WASHC2A: variants seen among roughly 807,000 people sequenced by gnomAD.
WASHC2A encodes WASH complex subunit FAM21A.
A neutral mutation model predicts 140.3 loss-of-function variants in WASHC2A; 82 were observed. That is an observed-to-expected ratio of 0.58 (90% CI 0.49 to 0.70). WASHC2A has a LOEUF of 0.70. Among genes scored for constraint, WASHC2A ranks in the 30% least tolerant of loss-of-function variants. WASHC2A has a pLI of 0.00. For synonymous variants in WASHC2A, 340 were observed against 560.8 expected, an observed-to-expected ratio of 0.61 and a Z score of 5.56; for missense variants, 985 against 1,521.8, an observed-to-expected ratio of 0.65 and a Z score of 5.87.
chr10:50,068,515 C>T (rs1259175205), intron 2 of WASHC2A, among the ~76,000 whole-genome samples: 3 of 151,448 alleles, frequency 2.0e-5, no homozygotes, highest in Non-Finnish European at 4.4e-5. Flanking sequence ...ATTGCTCGGG[C>T]ACTAGGGAGG....
rs1313589373 is a variant in WASHC2A at position 50,127,909 on chromosome 10, G to A, written c.3087+114G>A. ...AGTCTTTGACTCTCCTTTTGAAGGA[G>A]GTGCCTCATCCTTCCTTCAGCCACT... On this transcript the variant is annotated intron_variant, in intron 28 of 30. Transcript: ENST00000282633. 219 of 1,517,748 alleles carry A rather than the reference G, an allele frequency of 1.4e-4. 2 individuals are homozygous for A. In the Middle Eastern group the frequency reaches 3.5e-3, roughly 24 times the overall value. 94.0% of individuals were successfully genotyped at this position (1,517,748 alleles called of 1,614,324 possible).
intron 23 of WASHC2A, 52 bp downstream of exon 23, chr10:50,119,821 C>T (rs1443490371): frequency 1.9e-6 from 3 of 1,602,712 alleles, no homozygotes; most frequent in East Asian, 2.2e-5. Context: ...AAAAGACTCT[C>T]ATCTCATGGT....
At chr10:50,109,256 C>T (rs1465333730) in intron 19 of WASHC2A, among the ~76,000 whole-genome samples, 1 of 152,200 alleles carries the variant, frequency 6.6e-6, no homozygotes, top group African/African-American at 2.4e-5. Flanking sequence ...GGGGTGTGAG[C>T]ATAGTCGAGT....
chr10:50,106,315 C>T lies in WASHC2A; in HGVS notation c.1738-19C>T. On this transcript the variant is annotated intron_variant, in intron 18 of 30. Coordinates refer to ENST00000282633, the MANE Select transcript of WASHC2A (RefSeq NM_001005751.3). ...CTGATTATAAAGTTGTCTTACCTTT[C>T]TGCCATTTGCTTTTCTAGGATAATC... is the stretch of plus-strand genomic sequence containing the variant. The T allele has an allele frequency of 1.2e-6, 2 of 1,611,258 alleles. No homozygotes were observed. Among genetic ancestry groups the T allele is most frequent in the Non-Finnish European group, 8.5e-7 (1 of 1,179,652 alleles).
At chr10:50,083,984 T>C in intron 5 of WASHC2A, 88 bp from the exon 6 acceptor site, 1 of 1,208,168 alleles carries the variant, frequency 8.3e-7, no homozygotes. Flanking sequence ...TTGTTTGGGA[T>C]AGTCAGATGG....
At chr10:50,104,422 A>C (rs1345513523) in intron 18 of WASHC2A, among the ~76,000 whole-genome samples, 3 of 145,850 alleles carry the variant, frequency 2.1e-5, no homozygotes, top group South Asian at 2.1e-4. Context: ...GCTGGAGTGC[A>C]GTGATGCGAT....
intron 8 of WASHC2A, among the ~76,000 whole-genome samples, chr10:50,090,403 C>G (rs1277511132): frequency 6.8e-6 from 1 of 146,252 alleles, no homozygotes; most frequent in Non-Finnish European, 1.5e-5. Flanking sequence ...CTCGGAAGGC[C>G]GAGGCAGGAG....
intron 19 of WASHC2A, among the ~76,000 whole-genome samples, 176 bp from the exon 20 acceptor site, chr10:50,109,925 A>G (rs1191739211): frequency 2.6e-5 from 4 of 151,228 alleles, no homozygotes; most frequent in Non-Finnish European, 5.9e-5. Flanking sequence ...TCCCGCCACC[A>G]CGCCCGGCTA....
intron 19 of WASHC2A, among the ~76,000 whole-genome samples, chr10:50,109,599 T>C (rs1842092711): frequency 1.3e-5 from 2 of 152,142 alleles, no homozygotes; most frequent in Admixed American, 6.5e-5. Context: ...TGAGAAGCTC[T>C]GTGAGGTCAG....
intron 8 of WASHC2A, among the ~76,000 whole-genome samples, chr10:50,089,588 T>G (rs1839694167): frequency 6.6e-6 from 1 of 152,190 alleles, no homozygotes; most frequent in African/African-American, 2.4e-5. Flanking sequence ...CCAAGTCTGT[T>G]TCTTTGCTTT....
At position 50,117,971 on chromosome 10, in the gene WASHC2A, A is replaced by G. The variant is rs782320764; in HGVS notation, c.2208A>G (p.Gln736=). 4.6e-5 allele frequency: 73 copies of G among 1,584,924 alleles called. No homozygotes were observed. The East Asian group carries it at 1.6e-3, about 36-fold the overall frequency. The change falls in exon 22 of 31, where the codon CAA becomes CAG. Residue 736 remains glutamine (Q), a synonymous_variant. Transcript: ENST00000282633. The part of the protein sequence containing the change: ...LFSDEEEKEA[Q]LGVKSVDKKV... ...GCGATGAAGAAGAGAAGGAGGCACA[A>G]CTTGGAGTGAAGTCTGTGGATAAGA...
chr10:50,131,259 T>C (rs1278054739), intron 30 of WASHC2A, 181 bp downstream of exon 30: 5 of 723,342 alleles, frequency 6.9e-6, no homozygotes, highest in Non-Finnish European at 1.3e-5. Context: ...GTGAAGTAAC[T>C]CTTTCCTATG....
chr10:50,088,958 CTTTTTTTTTTTTTT>C (rs1210204220), intron 8 of WASHC2A, among the ~76,000 whole-genome samples: 3 of 41,386 alleles, frequency 7.2e-5, no homozygotes, highest in African/African-American at 9.9e-5. Context: ...TTTTTCTTTC[CTTTTTTTTTTTTTT>C]TTTTTTTTTT....
intron 21 of WASHC2A, among the ~76,000 whole-genome samples, chr10:50,116,120 A>AAAAG (rs1842652410): frequency 7.5e-6 from 1 of 133,516 alleles, no homozygotes; most frequent in Non-Finnish European, 1.6e-5. Context: ...CATCTCAAAA[A>AAAAG]AAAAAAAAAG....
chr10:50,129,287 G>A (rs1275838581), intron 28 of WASHC2A, 132 bp from the exon 29 acceptor site: 4 of 1,505,156 alleles, frequency 2.7e-6, no homozygotes, highest in Non-Finnish European at 3.6e-6. Context: ...CCTCTTCTAT[G>A]TTCTTAGATA....
rs1554875559 is a variant in WASHC2A at position 50,069,675 on chromosome 10, C to T, written c.255C>T (p.Asp85=). 3.1e-6 allele frequency: 5 copies of T among 1,613,828 alleles called. No homozygotes were observed. The highest frequency in any genetic ancestry group is 1.6e-4 in the Middle Eastern group (1 of 6,078). Residue 85 remains aspartate, a synonymous_variant, in exon 3 of 31, where the codon GAC becomes GAT. Transcript: ENST00000282633. ...GTCGCCTGCATAATGTCTTCAATGA[C>T]TTCCTTATGCTCTCTAATACCCAGT... is the stretch of plus-strand genomic sequence containing the variant. ...TDCRLHNVFN[D]FLMLSNTQFI...
At chr10:50,089,568 G>A (rs1475483012) in intron 8 of WASHC2A, among the ~76,000 whole-genome samples, 1 of 152,118 alleles carries the variant, frequency 6.6e-6, no homozygotes, top group Non-Finnish European at 1.5e-5. Context: ...TGTTCTGGGA[G>A]CATGTCATTC....
At position 50,091,404 on chromosome 10, in the gene WASHC2A, C is replaced by T. The variant is rs1257487182; in HGVS notation, c.844-27C>T. ...AGTGTACTAGTTTGTTACAAAAAAG[C>T]GATTCTTTTGATTTCTCCTGCTGTA... On this transcript the variant is annotated intron_variant, in intron 9 of 30. Coordinates refer to ENST00000282633, the MANE Select transcript of WASHC2A (RefSeq NM_001005751.3). 2.5e-4 allele frequency: 386 copies of T among 1,548,450 alleles called. 3 individuals carry two copies. In the Middle Eastern group the frequency reaches 3.0e-3, roughly 12 times the overall value.
At chr10:50,109,415 T>TGTC (rs1406968683) in intron 19 of WASHC2A, among the ~76,000 whole-genome samples, 6 of 152,346 alleles carry the variant, frequency 3.9e-5, no homozygotes, top group African/African-American at 1.4e-4. Context: ...AGAATTAAAA[T>TGTC]ATTCTTCTCT....
Sources: allele counts gnomAD v4.1 joint callset (sites outside exome capture counted in the v4.1 genomes callset), GRCh38; gene constraint gnomAD v4.1.1; transcripts MANE v1.5; gene names NCBI Gene and HGNC (gene_info 2026-07-23, HGNC 2026-07-21).